Variants in MUC12 observed in about 807,000 individuals in gnomAD.
The protein encoded by MUC12 is mucin-12.
In MUC12, 172 loss-of-function variants were observed where a neutral mutation model predicts 230.8. The ratio of observed to expected loss-of-function variants is 0.75; its 90% CI spans 0.66 to 0.85. The LOEUF is 0.85. MUC12 is among the 40% of genes least tolerant of loss of function. MUC12 has a pLI of 0.00. For synonymous variants in MUC12, 1,259 were observed against 2,401.9 expected, an observed-to-expected ratio of 0.52 and a Z score of 13.91; for missense variants, 3,506 against 5,920.6, an observed-to-expected ratio of 0.59 and a Z score of 13.38.
intron 1 of MUC12, among the ~76,000 whole-genome samples, chr7:100,987,776 C>T (rs977696188): frequency 6.6e-6 from 1 of 151,842 alleles, no homozygotes; most frequent in Non-Finnish European, 1.5e-5. Context: ...AGTTTGAGAC[C>T]AGCCTGACCA....
In MUC12 at chr7:101,004,682, C is replaced by A. The variant is rs778652108; in HGVS notation, c.14119C>A (p.Arg4707Ser). Residue 4707 changes from arginine (R) to serine (S), a missense_variant, in exon 2 of 12, where the codon CGC becomes AGC. Transcript: ENST00000536621. ...PLPAHFTTSG[R>S]IAESTTFYIS... is the part of the protein sequence containing the mutation. ...ACCTGCCCATTTTACTACCTCAGGC[C>A]GCATTGCAGAATCTACCACCTTCTA... is the stretch of plus-strand genomic sequence containing the variant. The A allele has an allele frequency of 1.3e-6, 2 of 1,537,742 alleles. No individual in the cohort carries two copies. The highest frequency in any genetic ancestry group is 2.0e-5 in the Admixed American group (1 of 50,982).
intron 1 of MUC12, among the ~76,000 whole-genome samples, chr7:100,972,327 C>A (rs1410176351): frequency 2.8e-5 from 4 of 140,536 alleles, no homozygotes; most frequent in Non-Finnish European, 4.7e-5. Context: ...CTCTAGAGGA[C>A]CCCAGTTCTC....
In MUC12 at chr7:100,977,706, G is replaced by C. The variant is rs117691824; in HGVS notation, c.67+8017G>C. 6.6e-4 allele frequency among the ~76,000 whole-genome samples: 101 copies of C among 151,932 alleles called. 2 individuals are homozygous for C. In the East Asian group the frequency reaches 0.019, roughly 29 times the overall value. Reference sequence around the variant, plus strand: ...AAAAATGTTTATCTCGTTATTTAGAGGCTGGATTATGAGACTGGCTAATTT... The same window carrying C: ...AAAAATGTTTATCTCGTTATTTAGACGCTGGATTATGAGACTGGCTAATTT... On this transcript the variant is annotated intron_variant, in intron 1 of 11. Coordinates refer to ENST00000536621, the MANE Select transcript of MUC12 (RefSeq NM_001164462.2).
chr7:101,017,732 C>CGGGTCTCCCTTCTCCCCCT (rs1793956144), intron 11 of MUC12, 69 bp downstream of exon 11: 1 of 1,133,096 alleles, frequency 8.8e-7, no homozygotes, highest in African/African-American at 1.7e-5. Flanking sequence ...CCTCTTCCCC[C>CGGGTCTCCCTTCTCCCCCT]GGGACTCCCT....
intron 1 of MUC12, among the ~76,000 whole-genome samples, chr7:100,972,596 G>A (rs1379583549): frequency 6.8e-6 from 1 of 148,058 alleles, no homozygotes; most frequent in Non-Finnish European, 1.5e-5. Flanking sequence ...TCTGTCTCCA[G>A]GGTTCAAGAG....
Position 100,995,123 on chromosome 7 carries a change from TACA to T in MUC12, c.4563_4565del (p.Thr1522del), listed in dbSNP as rs1270574037. ...CAACCTCAGTTCTTGTTGGAGAACC[TACA>T]ACGTCACCCATCAGTTCAGGCTCAA... On this transcript the variant is annotated inframe_deletion, in exon 2 of 12. Coordinates refer to ENST00000536621, the MANE Select transcript of MUC12 (RefSeq NM_001164462.2). 2 of 802,634 alleles carry T rather than the reference TACA, an allele frequency of 2.5e-6. No individual in the cohort carries two copies. Among genetic ancestry groups the T allele is most frequent in the Non-Finnish European group, 3.7e-6 (2 of 545,226 alleles). The allele number at this position is 802,634 out of a possible 1,614,324, so 49.7% of individuals were successfully genotyped here.
chr7:100,989,356 C>T (rs1033173345), intron 1 of MUC12, among the ~76,000 whole-genome samples: 2 of 152,138 alleles, frequency 1.3e-5, no homozygotes, highest in Admixed American at 1.3e-4. Context: ...GATCTGCCAC[C>T]TCGGCATCCC....
rs553653085 is a variant in MUC12, at chr7:100,979,291, C to G, written c.67+9602C>G. On this transcript the variant is annotated intron_variant, in intron 1 of 11. Coordinates refer to ENST00000536621, the MANE Select transcript of MUC12 (RefSeq NM_001164462.2). ...AGAGGGAGCTGGCATCTTTAATGACCAGTGGCTGCAATGTAGGCAAATAGG... is the reference window on the plus strand; with the variant it reads ...AGAGGGAGCTGGCATCTTTAATGACGAGTGGCTGCAATGTAGGCAAATAGG... Among the ~76,000 whole-genome samples, 7 of 152,136 alleles carry G rather than the reference C, an allele frequency of 4.6e-5. No homozygotes were observed. In the East Asian group the frequency reaches 9.7e-4, roughly 21 times the overall value.
chr7:100,987,929 CCA>C (rs1337808564), intron 1 of MUC12, among the ~76,000 whole-genome samples: 1 of 151,036 alleles, frequency 6.6e-6, no homozygotes, highest in African/African-American at 2.4e-5. Flanking sequence ...CAAGATCACG[CCA>C]CTGCACTCCA....
Position 101,004,566 on chromosome 7 carries a change from C to G in MUC12, c.14003C>G (p.Thr4668Arg). The G allele has an allele frequency of 6.5e-7, 1 of 1,537,492 alleles. No homozygotes were observed. The highest frequency in any genetic ancestry group is 8.7e-7 in the Non-Finnish European group (1 of 1,146,852). The stretch of plus-strand genomic sequence containing the variant: ...AGCAGCCCGGGCTCAATTGCAACAA[C>G]ACACTTTCCTGAGAGCTCCACAACC... ...YHSSPGSIAT[T>R]HFPESSTTSG... The change falls in exon 2 of 12, where the codon ACA becomes AGA. Residue 4668 changes from threonine (T) to arginine (R), a missense_variant. Thr to Arg is a moderately conservative substitution (Grantham distance 71, BLOSUM62 -1). Coordinates refer to ENST00000536621, the MANE Select transcript of MUC12 (RefSeq NM_001164462.2).
At position 101,018,806 on chromosome 7, in the gene MUC12, GA is replaced by G; in HGVS notation, c.*172del. 1.6e-6 allele frequency: 1 copy of G among 622,324 alleles called. No homozygotes were observed. Among genetic ancestry groups the G allele is most frequent in the South Asian group, 2.6e-5 (1 of 38,150 alleles). The allele number at this position is 622,324 out of a possible 1,614,324, so 38.6% of individuals were successfully genotyped here. Reference sequence around the variant, plus strand: ...GTCCCCTGCCTGTGCTCCTGCTGGGGAAGGCTGGGGGCTGTAAGCCTCTCCA... The same window carrying G: ...GTCCCCTGCCTGTGCTCCTGCTGGGGAGGCTGGGGGCTGTAAGCCTCTCCA... On this transcript the variant is annotated 3_prime_UTR_variant, in exon 12 of 12. Coordinates refer to ENST00000536621, the MANE Select transcript of MUC12 (RefSeq NM_001164462.2).
chr7:100,972,193 G>C (rs1486475489), intron 1 of MUC12: 2 of 703,182 alleles, frequency 2.8e-6, no homozygotes, highest in Non-Finnish European at 5.2e-6. Context: ...GTGTAAGGAA[G>C]TCGGGGCAGA....
At chr7:100,973,155 T>C (rs1792945548) in intron 1 of MUC12, 2 of 628,074 alleles carry the variant, frequency 3.2e-6, no homozygotes, top group African/African-American at 3.6e-5. Context: ...CAGACCAGCA[T>C]CAGAGAGGCC....
Position 101,008,775 on chromosome 7 carries a change from A to G in MUC12, c.15186+14A>G. 1 of 1,534,630 alleles carries G rather than the reference A, an allele frequency of 6.5e-7. No individual in the cohort carries two copies. The highest frequency in any genetic ancestry group is 8.7e-7 in the Non-Finnish European group (1 of 1,145,580). On this transcript the variant is annotated intron_variant, in intron 4 of 11. Transcript: ENST00000536621. ...TTCAAGAATCGGGTAAGACCAGGGCACACCCAGACACCCCAGGGTGATGTC... is the reference window on the plus strand; with the variant it reads ...TTCAAGAATCGGGTAAGACCAGGGCGCACCCAGACACCCCAGGGTGATGTC...
chr7:100,975,333 C>T (rs1351922856), intron 1 of MUC12, among the ~76,000 whole-genome samples: 1 of 152,306 alleles, frequency 6.6e-6, no homozygotes, highest in African/African-American at 2.4e-5. Flanking sequence ...GGGGTCAGCG[C>T]TCTTTAGCTT....
chr7:101,018,379 C>T (rs569233980), intron 11 of MUC12, among the ~76,000 whole-genome samples: 1 of 137,526 alleles, frequency 7.3e-6, no homozygotes, highest in South Asian at 2.5e-4. Flanking sequence ...CTCCCTCCTC[C>T]CCCAGGACTC....
intron 3 of MUC12, 35 bp from the exon 4 acceptor site, chr7:101,008,599 C>T (rs760671721): frequency 1.0e-5 from 16 of 1,528,102 alleles, no homozygotes; most frequent in South Asian, 2.4e-5. Context: ...ATTGGGAGGT[C>T]GCTGTCTCAC....
At position 101,006,477 on chromosome 7, in the gene MUC12, G is replaced by T. The variant is rs555137488; in HGVS notation, c.14963G>T (p.Cys4988Phe). 8.0e-4 allele frequency: 1,227 copies of T among 1,537,012 alleles called. 17 individuals are homozygous for T. The South Asian group carries it at 9.3e-3, about 12-fold the overall frequency. Residue 4988 changes from cysteine (C) to phenylalanine (F), a missense_variant, in exon 3 of 12, where the codon TGC (cysteine) becomes TTC (phenylalanine). Coordinates refer to ENST00000536621, the MANE Select transcript of MUC12 (RefSeq NM_001164462.2). Reference sequence around the variant, plus strand: ...GGATTCTATCTCTCCACAGGGTTGTGCCAGGAAGGACAAATTTGGAATGGA... The same window carrying T: ...GGATTCTATCTCTCCACAGGGTTGTTCCAGGAAGGACAAATTTGGAATGGA... ...ESLETLAPGL[C>F]QEGQIWNGKQ...
intron 8 of MUC12, among the ~76,000 whole-genome samples, 165 bp downstream of exon 8, chr7:101,013,307 C>A (rs1248017012): frequency 1.3e-5 from 2 of 152,190 alleles, no homozygotes; most frequent in Non-Finnish European, 2.9e-5. Context: ...ACCCCCCACA[C>A]CCACAAGAGT....
Sources: allele counts gnomAD v4.1 joint callset (sites outside exome capture counted in the v4.1 genomes callset), GRCh38; gene constraint gnomAD v4.1.1; transcripts MANE v1.5; gene names NCBI Gene and HGNC (gene_info 2026-07-23, HGNC 2026-07-21).